SPAG16: variants seen among roughly 807,000 people sequenced by gnomAD.
The protein encoded by SPAG16 is sperm-associated antigen 16 protein.
Under a neutral mutation model 80.4 loss-of-function variants are expected in SPAG16, and 86 were observed. The observed-to-expected ratio is 1.07, with a 90% CI of 0.90 to 1.28. SPAG16 has a LOEUF of 1.28. Ranked by LOEUF, SPAG16 falls within the 50% of genes most tolerant of loss-of-function variation. SPAG16 has a pLI of 0.00. For missense variants in SPAG16, 870 were observed against 765.3 expected, an observed-to-expected ratio of 1.14 and a Z score of -1.61; for synonymous variants, 294 against 265.9, an observed-to-expected ratio of 1.11 and a Z score of -1.03.
chr2:213,936,185 G>C (rs993233750), intron 12 of SPAG16, among the ~76,000 whole-genome samples: 2 of 152,104 alleles, frequency 1.3e-5, no homozygotes, highest in Admixed American at 6.6e-5. Context: ...CTTTCCTATG[G>C]TGGTAGCATG....
At chr2:213,546,443 T>G (rs1559241191) in intron 10 of SPAG16, among the ~76,000 whole-genome samples, 1 of 152,182 alleles carries the variant, frequency 6.6e-6, no homozygotes, top group Non-Finnish European at 1.5e-5. Flanking sequence ...AGTGCTCAGA[T>G]TAGTCTCTGA....
chr2:213,833,494 A>AAT (rs1559506069), intron 10 of SPAG16, among the ~76,000 whole-genome samples: 2 of 1,446 alleles, frequency 1.4e-3, no homozygotes, highest in East Asian at 0.071. Flanking sequence ...TATTATATAT[A>AAT]ATATATATAT....
At chr2:214,325,345 A>C (rs957539578) in intron 15 of SPAG16, among the ~76,000 whole-genome samples, 4 of 152,200 alleles carry the variant, frequency 2.6e-5, no homozygotes, top group Admixed American at 2.0e-4. Context: ...TGTGGACCAA[A>C]CTTTTAGTAT....
chr2:214,002,140 A>G (rs1306418280), intron 12 of SPAG16, among the ~76,000 whole-genome samples: 13 of 151,944 alleles, frequency 8.6e-5, no homozygotes. Context: ...ATCTCCCACT[A>G]GGTCCCTCCA....
intron 10 of SPAG16, among the ~76,000 whole-genome samples, chr2:213,830,392 C>T (rs969331122): frequency 6.6e-6 from 1 of 152,182 alleles, no homozygotes; most frequent in Admixed American, 6.5e-5. Context: ...CAAATCAAGA[C>T]TGTCTACCCT....
intron 12 of SPAG16, among the ~76,000 whole-genome samples, chr2:213,968,125 CTCTT>C (rs1172843248): frequency 6.6e-6 from 1 of 151,138 alleles, no homozygotes; most frequent in Non-Finnish European, 1.5e-5. Flanking sequence ...CCCTCCCTCT[CTCTT>C]TCTCTCTGTC....
intron 10 of SPAG16, among the ~76,000 whole-genome samples, chr2:213,759,036 A>G (rs963728557): frequency 6.6e-6 from 1 of 152,174 alleles, no homozygotes; most frequent in Admixed American, 6.5e-5. Flanking sequence ...AAAAACAAAA[A>G]CAGAAAACAT....
At chr2:213,779,198 A>C (rs1334592997) in intron 10 of SPAG16, among the ~76,000 whole-genome samples, 1 of 152,090 alleles carries the variant, frequency 6.6e-6, no homozygotes, top group Non-Finnish European at 1.5e-5. Context: ...TTATACCTCC[A>C]ACTTCTTTTT....
intron 15 of SPAG16, among the ~76,000 whole-genome samples, chr2:214,396,035 G>T (rs1049027744): frequency 2.6e-5 from 4 of 151,952 alleles, no homozygotes; most frequent in Admixed American, 1.3e-4. Context: ...TATTCTTTTG[G>T]GTATATACCC....
intron 9 of SPAG16, among the ~76,000 whole-genome samples, chr2:213,479,885 G>C (rs939758170): frequency 2.0e-5 from 3 of 152,156 alleles, no homozygotes; most frequent in African/African-American, 2.4e-5. Flanking sequence ...TTGAAACAAG[G>C]GGGACAGCAT....
At chr2:213,614,777 T>A (rs915124985) in intron 10 of SPAG16, among the ~76,000 whole-genome samples, 16 of 152,236 alleles carry the variant, frequency 1.1e-4, no homozygotes, top group Admixed American at 3.9e-4. Context: ...TAAATTAAGA[T>A]TGGTTAATAC....
At chr2:214,140,960 G>A (rs2055327805) in intron 14 of SPAG16, among the ~76,000 whole-genome samples, 4 of 138,204 alleles carry the variant, frequency 2.9e-5, no homozygotes, top group Admixed American at 2.2e-4. Flanking sequence ...GGGGTGGGGG[G>A]ATGTGACAGA....
chr2:213,699,634 T>C (rs1225928999), intron 10 of SPAG16, among the ~76,000 whole-genome samples: 10 of 152,154 alleles, frequency 6.6e-5, no homozygotes, highest in Non-Finnish European at 1.5e-5. Flanking sequence ...CCCCTGGAAA[T>C]GTATATACCC....
chr2:213,308,993 T>A (rs949422944), intron 3 of SPAG16, among the ~76,000 whole-genome samples: 4 of 152,168 alleles, frequency 2.6e-5, no homozygotes, highest in African/African-American at 9.6e-5. Flanking sequence ...ATGTTCCATA[T>A]ACACCTTGTA....
At chr2:213,309,206 A>C (rs1251654082) in intron 3 of SPAG16, among the ~76,000 whole-genome samples, 2 of 152,120 alleles carry the variant, frequency 1.3e-5, no homozygotes, top group African/African-American at 4.8e-5. Context: ...GAGGGCCATG[A>C]GGACTCTGTG....
chr2:213,634,426 T>A (rs1236536034), intron 10 of SPAG16, among the ~76,000 whole-genome samples: 1 of 152,158 alleles, frequency 6.6e-6, no homozygotes, highest in Non-Finnish European at 1.5e-5. Context: ...CATTGTTTAA[T>A]CTTTCTACTT....
chr2:213,919,401 A>T (rs147832491), intron 11 of SPAG16, among the ~76,000 whole-genome samples: 1 of 152,156 alleles, frequency 6.6e-6, no homozygotes, highest in East Asian at 1.9e-4. Flanking sequence ...AGATCTTTCT[A>T]ACTTTTTGAT....
intron 15 of SPAG16, among the ~76,000 whole-genome samples, chr2:214,303,029 G>C (rs1439794771): frequency 6.6e-6 from 1 of 152,174 alleles, no homozygotes; most frequent in Non-Finnish European, 1.5e-5. Context: ...TTATGTGAGT[G>C]TCTTGAAGAC....
chr2:214,016,970 A>G (rs1050729235), intron 13 of SPAG16, among the ~76,000 whole-genome samples: 5 of 152,168 alleles, frequency 3.3e-5, no homozygotes, highest in Admixed American at 1.3e-4. Context: ...GTTAGGAGGG[A>G]TGCAAGTTCA....
Sources: gnomAD v4.1 joint callset for allele counts (sites outside exome capture counted in the v4.1 genomes callset) on GRCh38, gnomAD v4.1.1 for gene constraint, MANE v1.5 for transcripts, NCBI Gene and HGNC (gene_info 2026-07-23, HGNC 2026-07-21) for gene names.